Variants in NGB observed in about 807,000 individuals in gnomAD.
NGB encodes the protein nitrite reductase.
NGB carries 12 observed loss-of-function variants against 17.3 expected under a neutral mutation model. The ratio of observed to expected loss-of-function variants is 0.69; its 90% CI spans 0.45 to 1.13. NGB has a LOEUF of 1.13. Ranked by LOEUF, NGB falls within the 50% of genes most tolerant of loss-of-function variation. The pLI is 0.00. For missense variants in NGB, 195 were observed against 191.7 expected (o/e 1.02, Z -0.10); for synonymous variants, 87 against 81.0 (o/e 1.07, Z -0.40).
intron 1 of NGB, among the ~76,000 whole-genome samples, chr14:77,269,914 G>C (rs1337910828): frequency 3.7e-5 from 5 of 135,716 alleles, no homozygotes; most frequent in Non-Finnish European, 3.1e-5. Flanking sequence ...TTTTATAGAG[G>C]AGAAAACAGA....
In NGB at chr14:77,270,985, G is replaced by T; in HGVS notation, c.-48C>A. Reference sequence around the variant, plus strand: ...CGGGGCTGGGACCCTCAGGGCTCGGGTGCCGTCACCGCACGTGCCGCGCCA... The same window carrying T: ...CGGGGCTGGGACCCTCAGGGCTCGGTTGCCGTCACCGCACGTGCCGCGCCA... On this transcript the variant is annotated 5_prime_UTR_variant, in exon 1 of 4. Transcript: ENST00000298352. 7.2e-7 allele frequency: 1 copy of T among 1,393,588 alleles called. No homozygotes were observed. The highest frequency in any genetic ancestry group is 9.6e-7 in the Non-Finnish European group (1 of 1,044,700). The allele number at this position is 1,393,588 out of a possible 1,614,324, so 86.3% of individuals were successfully genotyped here. A position where few individuals can be genotyped will look rare whatever the true frequency, so the allele number is the denominator to read the frequency against.
intron 2 of NGB, among the ~76,000 whole-genome samples, 159 bp from the exon 3 acceptor site, chr14:77,268,744 A>G (rs1453485429): frequency 6.6e-6 from 1 of 152,206 alleles, no homozygotes. Flanking sequence ...TACTACATGT[A>G]GGGGGCACCC....
rs371169083 is a variant in NGB, at chr14:77,268,760, G to A, written c.202-175C>T. Among the ~76,000 whole-genome samples, 27 of 152,326 alleles carry A rather than the reference G, an allele frequency of 1.8e-4. No homozygotes were observed. In the South Asian group the frequency reaches 3.5e-3, roughly 20 times the overall value. On this transcript the variant is annotated intron_variant, in intron 2 of 3. Transcript: ENST00000298352. ...ACTACATGTAGGGGGCACCCGATAC[G>A]TGGTGGCCAAACTACTAATGTTATA...
intron 3 of NGB, 26 bp downstream of exon 3, chr14:77,268,440 G>A: frequency 6.2e-7 from 1 of 1,607,102 alleles, no homozygotes; most frequent in Non-Finnish European, 8.5e-7. Context: ...AGGAGCTCTG[G>A]AGAGAGTCAG....
At chr14:77,270,803 C>G in intron 1 of NGB, 46 bp downstream of exon 1, 1 of 1,479,178 alleles carries the variant, frequency 6.8e-7, no homozygotes, top group South Asian at 1.2e-5. Context: ...CCTTTCCCGC[C>G]GAGGCAGCCT....
Position 77,268,565 on chromosome 14 carries a change from A to C in NGB, c.222T>G (p.Ala74=), listed in dbSNP as rs943800506. The change falls in exon 3 of 4, where the codon GCT becomes GCG. Residue 74 remains alanine (A), a synonymous_variant. Coordinates refer to ENST00000298352, the MANE Select transcript of NGB (RefSeq NM_021257.4). Reference sequence around the variant, plus strand: ...ACAGGTCTTCCACATTGGTCACTGCAGCATCAATCACGAGCATCACCTGCC... The same window carrying C: ...ACAGGTCTTCCACATTGGTCACTGCCGCATCAATCACGAGCATCACCTGCC... ...HIRKVMLVID[A]AVTNVEDLSS... 2 of 1,613,976 alleles carry C rather than the reference A, an allele frequency of 1.2e-6. No individual in the cohort carries two copies. The highest frequency in any genetic ancestry group is 1.3e-5 in the African/African-American group (1 of 74,908).
chr14:77,268,674 C>T (rs1257824850), intron 2 of NGB, 89 bp from the exon 3 acceptor site: 1 of 1,547,166 alleles, frequency 6.5e-7, no homozygotes, highest in Non-Finnish European at 8.8e-7. Context: ...GGTCCCAAAG[C>T]AAGAGAGGCC....
chr14:77,267,848 T>C (rs758728348), intron 3 of NGB, among the ~76,000 whole-genome samples: 8 of 152,188 alleles, frequency 5.3e-5, no homozygotes, highest in Non-Finnish European at 1.0e-4. Context: ...ACATTGACAC[T>C]GGGCTTATCC....
intron 3 of NGB, among the ~76,000 whole-genome samples, chr14:77,268,264 C>T (rs1353076881): frequency 1.3e-5 from 2 of 152,122 alleles, no homozygotes; most frequent in Non-Finnish European, 2.9e-5. Flanking sequence ...TTAAAAGAAG[C>T]CATATCAGAA....
rs1005078693 is a variant in NGB, at chr14:77,271,123, C to T, written c.-186G>A. 7.9e-6 allele frequency: 4 copies of T among 505,080 alleles called. No homozygotes were observed. The highest frequency in any genetic ancestry group is 1.0e-5 in the Non-Finnish European group (3 of 290,098). 31.3% of individuals were successfully genotyped at this position (505,080 alleles called of 1,614,324 possible). ...GGGAGAGAAAAGGCGCGCGGCCAGT[C>T]GTAGGTGGAGACACCCCAGCTGTGC... On this transcript the variant is annotated 5_prime_UTR_variant, in exon 1 of 4. Transcript: ENST00000298352.
Position 77,266,148 on chromosome 14 carries a change from C to G in NGB, c.*388G>C. 1.9e-6 allele frequency: 1 copy of G among 516,494 alleles called. No homozygotes were observed. Among genetic ancestry groups the G allele is most frequent in the Non-Finnish European group, 4.1e-6 (1 of 246,746 alleles). 32.0% of individuals were successfully genotyped at this position (516,494 alleles called of 1,614,324 possible). On this transcript the variant is annotated 3_prime_UTR_variant, in exon 4 of 4. Coordinates refer to ENST00000298352, the MANE Select transcript of NGB (RefSeq NM_021257.4). The stretch of plus-strand genomic sequence containing the variant: ...GGCGCTGGAAGCTCAGCCATCTCAC[C>G]CCCGCCTTGGCCTGCACTCACCTGA...
At position 77,268,544 on chromosome 14, in the gene NGB, G is replaced by GTCTT; in HGVS notation, c.239_242dup (p.Asp81GlufsTer32). 8 of 1,613,822 alleles carry GTCTT rather than the reference G, an allele frequency of 5.0e-6. No homozygotes were observed. The highest frequency in any genetic ancestry group is 6.8e-6 in the Non-Finnish European group (8 of 1,180,000). On this transcript the variant is annotated frameshift_variant, in exon 3 of 4. Transcript: ENST00000298352. LOFTEE classifies it high-confidence loss of function. ...CAAGGTACTCCTCCAGTGAGGACAG[G>GTCTT]TCTTCCACATTGGTCACTGCAGCAT...
In NGB at chr14:77,268,518, G is replaced by A; in HGVS notation, c.269C>T (p.Ala90Val). The A allele has an allele frequency of 6.2e-7, 1 of 1,613,514 alleles. No individual in the cohort carries two copies. The highest frequency in any genetic ancestry group is 8.5e-7 in the Non-Finnish European group (1 of 1,179,952). The part of the protein sequence containing the change: ...EDLSSLEEYL[A>V]SLGRKHRAVG... ...TGCCCGGTGCTTCCTGCCCAGGCTG[G>A]CAAGGTACTCCTCCAGTGAGGACAG... Residue 90 changes from alanine (A) to valine (V), a missense_variant, in exon 3 of 4, where the codon GCC becomes GTC. By Grantham distance (64) the Ala-to-Val change is moderately conservative. Coordinates refer to ENST00000298352, the MANE Select transcript of NGB (RefSeq NM_021257.4).
Position 77,269,337 on chromosome 14 carries a change from G to A in NGB, c.90-11C>T, listed in dbSNP as rs1379409726. 1.3e-6 allele frequency: 2 copies of A among 1,532,198 alleles called. No individual in the cohort carries two copies. Among genetic ancestry groups the A allele is most frequent in the Non-Finnish European group, 1.8e-6 (2 of 1,129,642 alleles). The allele number at this position is 1,532,198 out of a possible 1,614,324, so 94.9% of individuals were successfully genotyped here. A position where few individuals can be genotyped will look rare whatever the true frequency, so the allele number is the denominator to read the frequency against. ...TCCAGGGCAAACAGCCTGTGGGAGT[G>A]AGGCCCAGGTGTTAGCCCTGGGGTG... On this transcript the variant is annotated splice_polypyrimidine_tract_variant and intron_variant, in intron 1 of 3. Transcript: ENST00000298352.
chr14:77,269,164 G>T (rs923685050), intron 2 of NGB, 51 bp downstream of exon 2: 3 of 1,160,634 alleles, frequency 2.6e-6, no homozygotes, highest in Non-Finnish European at 3.8e-6. Flanking sequence ...CTCCACCAGG[G>T]AGGTGCTCTG....
chr14:77,266,819 C>T lies in NGB; in HGVS notation c.322-149G>A, dbSNP rs533252878. 49 of 796,896 alleles carry T rather than the reference C, an allele frequency of 6.1e-5. No individual in the cohort carries two copies. In the African/African-American group the frequency reaches 8.0e-4, roughly 13 times the overall value. 49.4% of individuals were successfully genotyped at this position (796,896 alleles called of 1,614,324 possible). A position where few individuals can be genotyped will look rare whatever the true frequency, so the allele number is the denominator to read the frequency against. ...GAGTCCATGCTTCCTGAGCAGGGTCCTACCCAAATCCTTGGGTATCACATT... is the reference window on the plus strand; with the variant it reads ...GAGTCCATGCTTCCTGAGCAGGGTCTTACCCAAATCCTTGGGTATCACATT... On this transcript the variant is annotated intron_variant, in intron 3 of 3. Coordinates refer to ENST00000298352, the MANE Select transcript of NGB (RefSeq NM_021257.4).
chr14:77,269,788 TCCCTCTCCC>T (rs1889738806), intron 1 of NGB, among the ~76,000 whole-genome samples: 2 of 48,634 alleles, frequency 4.1e-5, no homozygotes, highest in African/African-American at 8.8e-5. Context: ...TCTCTCCCTC[TCCCTCTCCC>T]CCCCCCCCCC....
At chr14:77,267,085 T>A (rs1889683885) in intron 3 of NGB, among the ~76,000 whole-genome samples, 1 of 152,216 alleles carries the variant, frequency 6.6e-6, no homozygotes, top group Non-Finnish European at 1.5e-5. Context: ...CCACCCTTCA[T>A]CAGCTGGGTG....
Position 77,270,886 on chromosome 14 carries a change from G to C in NGB, c.52C>G (p.Arg18Gly), listed in dbSNP as rs1301550993. 1 of 1,585,758 alleles carries C rather than the reference G, an allele frequency of 6.3e-7. No homozygotes were observed. The highest frequency in any genetic ancestry group is 8.5e-7 in the Non-Finnish European group (1 of 1,172,626). Residue 18 changes from arginine to glycine, a missense_variant, in exon 1 of 4, where the codon CGC (arginine) becomes GGC (glycine). Arg to Gly is a moderately radical substitution (Grantham distance 125). Coordinates refer to ENST00000298352, the MANE Select transcript of NGB (RefSeq NM_021257.4). The stretch of plus-strand genomic sequence containing the variant: ...ACGGTGCCGTGCTCCAGCGGGCTGC[G>C]GCTCACTGCCCGCCAGCTCTGCCGG... ...LIRQSWRAVS[R>G]SPLEHGTVLF...
Sources: allele counts gnomAD v4.1 joint callset (sites outside exome capture counted in the v4.1 genomes callset), GRCh38; gene constraint gnomAD v4.1.1; transcripts MANE v1.5; gene names NCBI Gene and HGNC (gene_info 2026-07-23, HGNC 2026-07-21).